DACH2: variants seen among roughly 807,000 people sequenced by gnomAD.
DACH2 encodes the protein dachshund family transcription factor 2.
In DACH2, 17 loss-of-function variants were observed where a neutral mutation model predicts 35.8. The observed-to-expected ratio is 0.48, with a 90% CI of 0.33 to 0.71. The LOEUF (loss-of-function observed/expected upper bound fraction) is 0.71, where lower values mean the gene tolerates loss of function less well. Among genes scored for constraint, DACH2 ranks in the 30% least tolerant of loss-of-function variants. The pLI, the probability that DACH2 is intolerant of heterozygous loss-of-function variation, is 0.02. For synonymous variants in DACH2, 195 were observed against 177.3 expected (o/e 1.10, Z -0.79); for missense variants, 469 against 472.7 (o/e 0.99, Z 0.07).
At chrX:86,685,905 C>A in intron 4 of DACH2, among the ~76,000 whole-genome samples, 1 of 111,499 alleles carries the variant, frequency 9.0e-6, no homozygotes. Context: ...AATTAAAATT[C>A]AACATGAGAT....
intron 1 of DACH2, among the ~76,000 whole-genome samples, chrX:86,329,131 A>G (rs1173117216): frequency 9.0e-6 from 1 of 111,504 alleles, no homozygotes; most frequent in Non-Finnish European, 1.9e-5. Context: ...TTATACATAA[A>G]GGACTGCTGG....
At position 86,329,141 on chromosome X, in the gene DACH2, G is replaced by A. The variant is rs372362610; in HGVS notation, c.489-47683G>A. 1.6e-4 allele frequency among the ~76,000 whole-genome samples: 18 copies of A among 111,258 alleles called. No individual in the cohort carries two copies. In the East Asian group the frequency reaches 4.5e-3, roughly 28 times the overall value. On this transcript the variant is annotated intron_variant, in intron 1 of 11. Transcript: ENST00000373125. ...AAAAATTATACATAAAGGACTGCTG[G>A]AGAAACATAAAGAGAAGCTGGAACA... is the stretch of plus-strand genomic sequence containing the variant.
chrX:86,459,383 G>T lies in DACH2; in HGVS notation c.528-54896G>T, dbSNP rs978995064. 2.7e-5 allele frequency among the ~76,000 whole-genome samples: 3 copies of T among 111,377 alleles called. 1 individual carries two copies. In the Admixed American group the frequency reaches 2.9e-4, roughly 11 times the overall value. Reference sequence around the variant, plus strand: ...TGCAAGAACTTTGTTGCTTTAAAATGGTATCAGACAGAATCCTTTCAGTTA... The same window carrying T: ...TGCAAGAACTTTGTTGCTTTAAAATTGTATCAGACAGAATCCTTTCAGTTA... On this transcript the variant is annotated intron_variant, in intron 2 of 11. Coordinates refer to ENST00000373125, the MANE Select transcript of DACH2 (RefSeq NM_053281.3).
chrX:86,431,786 G>C (rs1223766468), intron 2 of DACH2, among the ~76,000 whole-genome samples: 2 of 111,726 alleles, frequency 1.8e-5, no homozygotes, highest in Non-Finnish European at 3.8e-5. Context: ...ACCACAAGTA[G>C]ACAGTGGCTA....
At chrX:86,311,485 G>A (rs2034799187) in intron 1 of DACH2, among the ~76,000 whole-genome samples, 2 of 111,386 alleles carry the variant, frequency 1.8e-5, no homozygotes, top group African/African-American at 6.5e-5. Context: ...TTCTCCAGAA[G>A]GCCATGTATG....
At chrX:86,655,989 T>A (rs753464840) in intron 4 of DACH2, among the ~76,000 whole-genome samples, 2 of 107,894 alleles carry the variant, frequency 1.9e-5, no homozygotes, top group South Asian at 8.1e-4. Context: ...GAGTATATCA[T>A]CAAGACTTTG....
intron 6 of DACH2, among the ~76,000 whole-genome samples, chrX:86,714,967 G>T (rs772493744): frequency 8.9e-6 from 1 of 111,752 alleles, no homozygotes; most frequent in Non-Finnish European, 1.9e-5. Context: ...TGCACAGTGT[G>T]GGGGAGGCAT....
At chrX:86,698,989 T>G (rs1013007023) in intron 5 of DACH2, among the ~76,000 whole-genome samples, 1 of 111,420 alleles carries the variant, frequency 9.0e-6, no homozygotes, top group Non-Finnish European at 1.9e-5. Flanking sequence ...AATATATTGA[T>G]AAAAGGATAC....
chrX:86,827,944 A>G (rs985584835), intron 11 of DACH2: 59 of 541,462 alleles, frequency 1.1e-4, no homozygotes, highest in Non-Finnish European at 1.6e-4. Flanking sequence ...TACAGGAAAA[A>G]TGTCCTAGAG....
chrX:86,324,148 G>A (rs747681222), intron 1 of DACH2, among the ~76,000 whole-genome samples: 30 of 111,747 alleles, frequency 2.7e-4, no homozygotes, highest in African/African-American at 9.4e-4. Flanking sequence ...TTTGTTAGAT[G>A]GAAAGTTTTC....
chrX:86,194,420 C>A (rs927656178), intron 1 of DACH2, among the ~76,000 whole-genome samples: 2 of 111,719 alleles, frequency 1.8e-5, no homozygotes, highest in Non-Finnish European at 3.8e-5. Flanking sequence ...AATGAGACAA[C>A]TGGCGCACTA....
At chrX:86,290,071 T>C (rs1241468725) in intron 1 of DACH2, among the ~76,000 whole-genome samples, 13 of 87,340 alleles carry the variant, frequency 1.5e-4, no homozygotes, top group African/African-American at 3.6e-4. Context: ...CTCCACATCC[T>C]CTCCAGCACC....
chrX:86,286,565 G>A (rs1400915565), intron 1 of DACH2, among the ~76,000 whole-genome samples: 3 of 111,068 alleles, frequency 2.7e-5, no homozygotes, highest in African/African-American at 9.8e-5. Flanking sequence ...TTTAGAGAAG[G>A]TGGTTTCCTC....
chrX:86,379,404 A>T (rs373176223), intron 2 of DACH2, among the ~76,000 whole-genome samples: 5 of 110,272 alleles, frequency 4.5e-5, no homozygotes, highest in Admixed American at 2.0e-4. Flanking sequence ...CTGTGCTACA[A>T]TGCTTTTGAC....
At chrX:86,367,765 C>CTGT (rs2035827682) in intron 1 of DACH2, among the ~76,000 whole-genome samples, 1 of 111,775 alleles carries the variant, frequency 8.9e-6, no homozygotes, top group African/African-American at 3.2e-5. Context: ...TCAGAATTGG[C>CTGT]TGTTGTTCAA....
At chrX:86,366,629 C>G (rs1481119609) in intron 1 of DACH2, among the ~76,000 whole-genome samples, 2 of 110,578 alleles carry the variant, frequency 1.8e-5, no homozygotes, top group African/African-American at 6.6e-5. Context: ...GGATGTTTGT[C>G]CCCTCCAAAT....
chrX:86,694,545 T>C (rs1361293098), intron 4 of DACH2, among the ~76,000 whole-genome samples: 1 of 112,432 alleles, frequency 8.9e-6, no homozygotes, highest in Non-Finnish European at 1.9e-5. Flanking sequence ...TGTGTATGAA[T>C]AGATTTGCTT....
intron 3 of DACH2, among the ~76,000 whole-genome samples, chrX:86,582,819 T>C (rs1329354523): frequency 9.1e-6 from 1 of 109,373 alleles, no homozygotes; most frequent in South Asian, 3.9e-4. Flanking sequence ...CTAAAACTAT[T>C]TAAAAAAAAA....
intron 1 of DACH2, among the ~76,000 whole-genome samples, chrX:86,254,819 G>T (rs1261797580): frequency 1.2e-3 from 98 of 80,613 alleles, no homozygotes; most frequent in Non-Finnish European, 1.9e-3. Flanking sequence ...GAGAGAGAGA[G>T]AGAGAGAGAG....
Sources: allele counts gnomAD v4.1 joint callset (sites outside exome capture counted in the v4.1 genomes callset), GRCh38; gene constraint gnomAD v4.1.1; transcripts MANE v1.5; gene names NCBI Gene and HGNC (gene_info 2026-07-23, HGNC 2026-07-21).